Variants in MRPL45 observed in about 807,000 individuals in gnomAD.
MRPL45 encodes the protein large ribosomal subunit protein mL45.
MRPL45 carries 20 observed loss-of-function variants against 38.1 expected under a neutral mutation model. The ratio of observed to expected loss-of-function variants is 0.53; its 90% CI spans 0.37 to 0.76. The LOEUF is 0.76. MRPL45 is among the 30% of genes least tolerant of loss of function. The pLI, the probability that MRPL45 is intolerant of heterozygous loss-of-function variation, is 0.00. For missense variants in MRPL45, 337 were observed against 395.6 expected, an observed-to-expected ratio of 0.85 and a Z score of 1.26; for synonymous variants, 105 against 128.8, an observed-to-expected ratio of 0.82 and a Z score of 1.25.
intron 4 of MRPL45, among the ~76,000 whole-genome samples, chr17:38,311,817 T>G (rs2144222880): frequency 6.6e-6 from 1 of 152,204 alleles, no homozygotes; most frequent in Non-Finnish European, 1.5e-5. Context: ...GTCTTGATCT[T>G]GGACTTCCCA....
intron 3 of MRPL45, among the ~76,000 whole-genome samples, chr17:38,300,175 G>A (rs79253915): frequency 0.042 from 6,432 of 151,894 alleles, 186 homozygotes; most frequent in Middle Eastern, 0.26. Flanking sequence ...ATGCCACCAC[G>A]CCCAGCTAAT....
intron 4 of MRPL45, among the ~76,000 whole-genome samples, chr17:38,313,070 C>T (rs1365727391): frequency 4.2e-5 from 6 of 143,308 alleles, no homozygotes; most frequent in East Asian, 2.1e-4. Flanking sequence ...CTGCAAGCTC[C>T]GCCTGCCGGG....
At position 38,306,474 on chromosome 17, in the gene MRPL45, G is replaced by T. The variant is rs59315289; in HGVS notation, c.363-59G>T. The stretch of plus-strand genomic sequence containing the variant: ...ATGGACATGAATGGAGGTCAGTGTA[G>T]GCTGTGAATTATGGAATTGTAAGAC... On this transcript the variant is annotated intron_variant, in intron 3 of 7. Coordinates refer to ENST00000613675, the MANE Select transcript of MRPL45 (RefSeq NM_032351.6). The T allele has an allele frequency of 3.0e-3, 4,346 of 1,463,262 alleles. 88 individuals are homozygous for T. In the African/African-American group the frequency reaches 0.051, roughly 17 times the overall value. 90.6% of individuals were successfully genotyped at this position (1,463,262 alleles called of 1,614,324 possible). A position where few individuals can be genotyped will look rare whatever the true frequency, so the allele number is the denominator to read the frequency against.
chr17:38,322,470 GGC>G, intron 7 of MRPL45, 37 bp from the exon 8 acceptor site: 1 of 1,575,862 alleles, frequency 6.3e-7, no homozygotes, highest in Non-Finnish European at 8.7e-7. Flanking sequence ...GTCAGCCATG[GGC>G]TTGGTTGGTG....
intron 4 of MRPL45, among the ~76,000 whole-genome samples, chr17:38,316,878 A>G (rs1431085716): frequency 6.6e-6 from 1 of 151,506 alleles, no homozygotes; most frequent in Admixed American, 6.6e-5. Flanking sequence ...GCTCACTGCA[A>G]CCTCCACCTC....
intron 5 of MRPL45, among the ~76,000 whole-genome samples, chr17:38,318,954 A>G (rs1432495534): frequency 6.6e-6 from 1 of 150,418 alleles, no homozygotes; most frequent in African/African-American, 2.4e-5. Context: ...CATCCTCCCA[A>G]GTAGCTGGGA....
chr17:38,303,483 A>G (rs1398996818), intron 3 of MRPL45, among the ~76,000 whole-genome samples: 2 of 151,622 alleles, frequency 1.3e-5, no homozygotes, highest in Non-Finnish European at 2.9e-5. Context: ...TTTAGTACAG[A>G]CGGGGTTTCA....
intron 5 of MRPL45, 94 bp downstream of exon 5, chr17:38,318,829 T>TC (rs2037200975): frequency 3.1e-5 from 1 of 32,264 alleles, no homozygotes; most frequent in Non-Finnish European, 1.5e-4. Context: ...TTTCTTTTCT[T>TC]TTTTTTTTTT....
intron 2 of MRPL45, among the ~76,000 whole-genome samples, chr17:38,299,026 A>T (rs1159952949): frequency 6.7e-6 from 1 of 150,110 alleles, no homozygotes; most frequent in Non-Finnish European, 1.5e-5. Flanking sequence ...AGTAGCTGGG[A>T]TTACAGGCAC....
At chr17:38,305,628 G>T (rs909714853) in intron 3 of MRPL45, among the ~76,000 whole-genome samples, 2 of 135,046 alleles carry the variant, frequency 1.5e-5, no homozygotes, top group African/African-American at 2.8e-5. Context: ...TGGGATTACA[G>T]ACAGCACCAC....
rs550420495 is a variant in MRPL45 at position 38,320,850 on chromosome 17, C to T, written c.660+83C>T. On this transcript the variant is annotated intron_variant, in intron 6 of 7. Transcript: ENST00000613675. ...CCCTCTGGAGTGCTGGGTATGGTTG[C>T]CCAGGACTGTAGACAGTAATAAAAG... 1.9e-5 allele frequency: 26 copies of T among 1,370,914 alleles called. 1 individual carries two copies. In the South Asian group the frequency reaches 3.0e-4, roughly 16 times the overall value. The allele number at this position is 1,370,914 out of a possible 1,614,324, so 84.9% of individuals were successfully genotyped here. A position where few individuals can be genotyped will look rare whatever the true frequency, so the allele number is the denominator to read the frequency against.
intron 3 of MRPL45, among the ~76,000 whole-genome samples, chr17:38,300,995 A>T (rs2036990054): frequency 6.6e-6 from 1 of 152,186 alleles, no homozygotes; most frequent in African/African-American, 2.4e-5. Flanking sequence ...CTCCCTGCTT[A>T]GAACTCTTTT....
intron 4 of MRPL45, among the ~76,000 whole-genome samples, chr17:38,309,890 C>A (rs2144219410): frequency 6.6e-6 from 1 of 152,248 alleles, no homozygotes; most frequent in East Asian, 1.9e-4. Context: ...ACTTTCTCGT[C>A]TCCTTGTGTA....
intron 4 of MRPL45, among the ~76,000 whole-genome samples, chr17:38,313,403 T>A (rs2037144562): frequency 9.0e-6 from 1 of 111,244 alleles, no homozygotes; most frequent in Admixed American, 1.1e-4. Context: ...TATATATATA[T>A]GAGAGATGGG....
At chr17:38,309,189 G>A (rs1241174408) in intron 4 of MRPL45, among the ~76,000 whole-genome samples, 12 of 151,162 alleles carry the variant, frequency 7.9e-5, no homozygotes, top group African/African-American at 2.4e-5. Context: ...ACAGGTGTGA[G>A]CCACTGTGCC....
At chr17:38,315,679 C>T (rs2037166307) in intron 4 of MRPL45, among the ~76,000 whole-genome samples, 1 of 150,992 alleles carries the variant, frequency 6.6e-6, no homozygotes, top group Non-Finnish European at 1.5e-5. Flanking sequence ...TTTTGAGCTT[C>T]CTGGATGTAC....
rs1462404267 is a variant in MRPL45, at chr17:38,318,638, G to A, written c.462-49G>A. On this transcript the variant is annotated intron_variant, in intron 4 of 7. Transcript: ENST00000613675. ...CAGGACCATTTTCAGTCTTCATACA[G>A]GGTATTATAAGAGCAATAGTCAATG... 4.5e-6 allele frequency: 6 copies of A among 1,343,164 alleles called. No homozygotes were observed. The South Asian group carries it at 4.7e-5, about 10-fold the overall frequency. The allele number at this position is 1,343,164 out of a possible 1,614,324, so 83.2% of individuals were successfully genotyped here. A position where few individuals can be genotyped will look rare whatever the true frequency, so the allele number is the denominator to read the frequency against.
chr17:38,320,997 G>T lies in MRPL45; in HGVS notation c.660+230G>T, dbSNP rs551071080. On this transcript the variant is annotated intron_variant, in intron 6 of 7. Transcript: ENST00000613675. ...TTCCTGATTTTTTTTTTTCCCCCAA[G>T]ACAGGGTCTCATTCTGTCACCCAGG... Among the ~76,000 whole-genome samples the T allele has an allele frequency of 3.3e-5, 5 of 151,278 alleles. No individual in the cohort carries two copies. In the South Asian group the frequency reaches 1.0e-3, roughly 31 times the overall value.
chr17:38,307,339 T>C (rs58582126), intron 4 of MRPL45, among the ~76,000 whole-genome samples: 2,115 of 141,670 alleles, frequency 0.015, 50 homozygotes, highest in African/African-American at 0.051. Flanking sequence ...CCCGGCCCCC[T>C]TTTTTTTTTT....
Sources: gnomAD v4.1 joint callset for allele counts (sites outside exome capture counted in the v4.1 genomes callset) on GRCh38, gnomAD v4.1.1 for gene constraint, MANE v1.5 for transcripts, NCBI Gene and HGNC (gene_info 2026-07-23, HGNC 2026-07-21) for gene names.